The following TARS3 variants were observed in gnomAD, a reference collection of about 807,000 sequenced individuals.
TARS3 encodes threonyl-tRNA synthetase 3.
TARS3 carries 94 observed loss-of-function variants against 103.5 expected under a neutral mutation model. That is an observed-to-expected ratio of 0.91 (90% confidence interval 0.77 to 1.08). The LOEUF (loss-of-function observed/expected upper bound fraction) is 1.08. Ranked by LOEUF, TARS3 falls within the 50% of genes least tolerant of loss-of-function variation. The probability of loss-of-function intolerance (pLI) is 0.00; values close to 1 mark genes in which losing one functional copy is unlikely to be tolerated. For synonymous variants in TARS3, 416 were observed against 355.4 expected (o/e 1.17, Z -1.92); for missense variants, 952 against 995.2 (o/e 0.96, Z 0.58).
intron 10 of TARS3, among the ~76,000 whole-genome samples, chr15:101,695,131 G>A (rs1171428725): frequency 5.9e-5 from 9 of 152,000 alleles, no homozygotes; most frequent in African/African-American, 9.7e-5. Flanking sequence ...AAATTTACAC[G>A]CCATAAAATT....
chr15:101,656,748 CAA>C (rs1438619669), intron 18 of TARS3, among the ~76,000 whole-genome samples, 172 bp downstream of exon 18: 1 of 152,146 alleles, frequency 6.6e-6, no homozygotes, highest in African/African-American at 2.4e-5. Context: ...CAGCAAACAA[CAA>C]AGAGTACCTA....
At chr15:101,716,343 G>A (rs753453662) in intron 3 of TARS3, among the ~76,000 whole-genome samples, 3 of 151,774 alleles carry the variant, frequency 2.0e-5, no homozygotes, top group Non-Finnish European at 2.9e-5. Context: ...AGGAAACCTG[G>A]AAAGCACAGA....
At position 101,721,220 on chromosome 15, in the gene TARS3, T is replaced by C; in HGVS notation, c.472A>G (p.Thr158Ala). ...ACTCTTACTGTGATGATGTTGCTTG[T>C]ATCCCCCTTTTTTCCATAAATGGCA... ...LLAIYGKKGD[T>A]SNIITVRVAD... Residue 158 changes from threonine (T) to alanine (A), a missense_variant, in exon 3 of 19, where the codon ACA (threonine) becomes GCA (alanine). By Grantham distance (58) the Thr-to-Ala change is moderately conservative. Around this residue, in one of 2 missense-constraint regions of TARS3, gnomAD observed 412 missense variants for 364.2 expected, o/e 1.13. Coordinates refer to ENST00000335968, the MANE Select transcript of TARS3 (RefSeq NM_152334.3). 1 of 1,614,154 alleles carries C rather than the reference T, an allele frequency of 6.2e-7. No individual in the cohort carries two copies. The highest frequency in any genetic ancestry group is 2.2e-5 in the East Asian group (1 of 44,890).
chr15:101,685,922 G>C lies in TARS3; in HGVS notation c.1461C>G (p.Leu487=), dbSNP rs1567336779. The C allele has an allele frequency of 6.2e-7, 1 of 1,613,942 alleles. No homozygotes were observed. The highest frequency in any genetic ancestry group is 8.5e-7 in the Non-Finnish European group (1 of 1,179,844). Residue 487 remains leucine (L), a synonymous_variant, in exon 11 of 19, where the codon CTC becomes CTG. Coordinates refer to ENST00000335968, the MANE Select transcript of TARS3 (RefSeq NM_152334.3). ...AGTGCCCTGGACAATTCATGGGTTT[G>C]AGGGCAAAAGTGTCCTTTTCAATCT... ...TFEIEKDTFA[L]KPMNCPGHCL...
intron 15 of TARS3, among the ~76,000 whole-genome samples, chr15:101,667,773 C>T (rs538682546): frequency 5.6e-4 from 85 of 152,060 alleles, no homozygotes; most frequent in African/African-American, 1.8e-3. Flanking sequence ...TTAGTAGAGA[C>T]GGGGTTTCAC....
intron 10 of TARS3, among the ~76,000 whole-genome samples, chr15:101,687,218 CATG>C (rs919346767): frequency 9.2e-5 from 14 of 152,140 alleles, no homozygotes; most frequent in Admixed American, 8.5e-4. Context: ...GCCTGGCTAA[CATG>C]ATGAAACCCC....
At chr15:101,705,525 T>C (rs947709704) in intron 7 of TARS3, among the ~76,000 whole-genome samples, 158 bp downstream of exon 7, 3 of 152,196 alleles carry the variant, frequency 2.0e-5, no homozygotes, top group African/African-American at 7.2e-5. Context: ...AAAATAATCA[T>C]TTCTCTTTAG....
At chr15:101,715,815 C>T (rs1485481848) in intron 3 of TARS3, among the ~76,000 whole-genome samples, 1 of 152,184 alleles carries the variant, frequency 6.6e-6, no homozygotes, top group African/African-American at 2.4e-5. Flanking sequence ...TCTGGGAATA[C>T]ATCCACAGAA....
chr15:101,690,928 T>G (rs944345487), intron 10 of TARS3, among the ~76,000 whole-genome samples: 7 of 152,184 alleles, frequency 4.6e-5, no homozygotes, highest in Admixed American at 3.3e-4. Flanking sequence ...GCAATGAAAA[T>G]TATTTAATGG....
chr15:101,721,668 T>C (rs1208678150), intron 2 of TARS3, among the ~76,000 whole-genome samples: 1 of 152,162 alleles, frequency 6.6e-6, no homozygotes, highest in African/African-American at 2.4e-5. Flanking sequence ...CTAATTTTTG[T>C]ATTTGTAGTA....
At chr15:101,681,536 G>T (rs1354743298) in intron 12 of TARS3, among the ~76,000 whole-genome samples, 1 of 152,226 alleles carries the variant, frequency 6.6e-6, no homozygotes, top group African/African-American at 2.4e-5. Flanking sequence ...TCCATAGGCT[G>T]TGTGGCTTAA....
At chr15:101,704,793 G>C (rs1363958569) in intron 7 of TARS3, among the ~76,000 whole-genome samples, 1 of 150,494 alleles carries the variant, frequency 6.6e-6, no homozygotes, top group Non-Finnish European at 1.5e-5. Flanking sequence ...TCAAACCCAA[G>C]AGCTCAAGCA....
At chr15:101,671,227 G>C (rs1289883789) in intron 15 of TARS3, among the ~76,000 whole-genome samples, 1 of 152,128 alleles carries the variant, frequency 6.6e-6, no homozygotes, top group African/African-American at 2.4e-5. Flanking sequence ...GTAACTCAGG[G>C]AGAGTCAGCA....
chr15:101,720,154 G>C (rs1900375829), intron 3 of TARS3, among the ~76,000 whole-genome samples: 2 of 152,162 alleles, frequency 1.3e-5, no homozygotes, highest in Non-Finnish European at 2.9e-5. Flanking sequence ...ATAATAGGAT[G>C]AATCAGAAAT....
Position 101,724,279 on chromosome 15 carries a change from G to C in TARS3, c.109C>G (p.Leu37Val). 6.4e-7 allele frequency: 1 copy of C among 1,573,474 alleles called. No homozygotes were observed. The highest frequency in any genetic ancestry group is 8.6e-7 in the Non-Finnish European group (1 of 1,166,200). ...SEVERLRDEQ[L>V]NAPYSCQAEG... ...GCCTGGCAGCTGTAGGGCGCGTTCA[G>C]CTGCTCGTCCCTCAGGCGCTCGACC... The change falls in exon 1 of 19, where the codon CTG becomes GTG. Residue 37 changes from leucine to valine, a missense_variant. By Grantham distance (32) the Leu-to-Val change is conservative. This residue lies in a region of TARS3 where 412 missense variants were observed against 364.2 expected (regional missense o/e 1.13). Coordinates refer to ENST00000335968, the MANE Select transcript of TARS3 (RefSeq NM_152334.3).
chr15:101,658,094 G>C (rs1011572363), intron 16 of TARS3, among the ~76,000 whole-genome samples: 6 of 152,152 alleles, frequency 3.9e-5, no homozygotes, highest in African/African-American at 1.2e-4. Context: ...AGCCCAAAGG[G>C]CTGAGCATGC....
intron 2 of TARS3, among the ~76,000 whole-genome samples, chr15:101,722,451 T>TA (rs1312823482): frequency 1.3e-5 from 2 of 150,550 alleles, no homozygotes; most frequent in African/African-American, 4.9e-5. Context: ...GCTAGATAAA[T>TA]ACTTACTGAT....
intron 16 of TARS3, among the ~76,000 whole-genome samples, chr15:101,659,986 G>A (rs1199936816): frequency 2.0e-5 from 3 of 152,172 alleles, no homozygotes; most frequent in African/African-American, 7.2e-5. Context: ...GTATGCATGG[G>A]TGTGATCTAG....
At chr15:101,695,941 C>T (rs375106278) in intron 10 of TARS3, 5 of 151,284 alleles carry the variant, frequency 3.3e-5, no homozygotes, top group African/African-American at 7.3e-5. Context: ...AAAGGCCGGG[C>T]GCGGTGGTGG....
Sources: allele counts gnomAD v4.1 joint callset (sites outside exome capture counted in the v4.1 genomes callset), GRCh38; gene constraint gnomAD v4.1.1; regional missense constraint gnomAD v4.1.1; transcripts MANE v1.5; gene names NCBI Gene and HGNC (gene_info 2026-07-23, HGNC 2026-07-21).